The following IGSF22 variants were observed in gnomAD, a reference collection of about 807,000 sequenced individuals.
The protein encoded by IGSF22 is immunoglobulin superfamily member 22, also known as immunoglobulin superfamily, member 22.
Under a neutral mutation model 127.0 loss-of-function variants are expected in IGSF22, and 119 were observed. The observed-to-expected ratio is 0.94, with a 90% CI of 0.81 to 1.09. The LOEUF is 1.09. Among genes scored for constraint, IGSF22 ranks in the 50% least tolerant of loss-of-function variants. IGSF22 has a pLI of 0.00. For missense variants in IGSF22, 1,518 were observed against 1,716.6 expected, an observed-to-expected ratio of 0.88 and a Z score of 2.04; for synonymous variants, 568 against 664.7, an observed-to-expected ratio of 0.85 and a Z score of 2.24.
intron 9 of IGSF22, among the ~76,000 whole-genome samples, chr11:18,717,586 T>A (rs1041814604): frequency 6.6e-6 from 1 of 152,086 alleles, no homozygotes; most frequent in Admixed American, 6.5e-5. Flanking sequence ...TTTGTAGAGA[T>A]GGGGTTTCAC....
In IGSF22 at chr11:18,712,337, C is replaced by T; in HGVS notation, c.2143G>A (p.Gly715Ser). The T allele has an allele frequency of 6.4e-7, 1 of 1,551,698 alleles. No homozygotes were observed. Among genetic ancestry groups the T allele is most frequent in the Non-Finnish European group, 8.7e-7 (1 of 1,146,974 alleles). ...QGRVEFLELS[G>S]SCVHMKWKAP... ...TTCCACTTCATGTGCACACAACTAC[C>T]TGAGAGCTCCAGGAACTCCACCCGG... is the stretch of plus-strand genomic sequence containing the variant. Residue 715 changes from glycine (G) to serine (S), a missense_variant, in exon 15 of 23, where the codon GGT becomes AGT. By Grantham distance (56) the Gly-to-Ser change is moderately conservative (BLOSUM62 0). This residue lies in a region of IGSF22 where 1,456 missense variants were observed against 1,644.9 expected (regional missense o/e 0.89). Transcript: ENST00000513874.
chr11:18,717,796 T>A (rs1848488849), intron 9 of IGSF22, 135 bp downstream of exon 9: 1 of 923,984 alleles, frequency 1.1e-6, no homozygotes, highest in Non-Finnish European at 1.6e-6. Context: ...CTCCATTGAC[T>A]CCCATCCCCA....
Position 18,721,440 on chromosome 11 carries a change from G to T in IGSF22, c.378+95C>A, listed in dbSNP as rs559966033. 4.1e-5 allele frequency: 64 copies of T among 1,544,690 alleles called. No individual in the cohort carries two copies. In the Admixed American group the frequency reaches 1.1e-3, roughly 26 times the overall value. Reference sequence around the variant, plus strand: ...CCCACTGCCCGGCTCTCGGGCCGCCGTTAAGGCTCTCATCGGTGAGAAGAC... The same window carrying T: ...CCCACTGCCCGGCTCTCGGGCCGCCTTTAAGGCTCTCATCGGTGAGAAGAC... On this transcript the variant is annotated intron_variant, in intron 4 of 22. Coordinates refer to ENST00000513874, the MANE Select transcript of IGSF22 (RefSeq NM_173588.4).
At position 18,721,606 on chromosome 11, in the gene IGSF22, C is replaced by G; in HGVS notation, c.307G>C (p.Glu103Gln). 4.3e-6 allele frequency: 7 copies of G among 1,614,272 alleles called. No individual in the cohort carries two copies. The highest frequency in any genetic ancestry group is 5.9e-6 in the Non-Finnish European group (7 of 1,180,044). Residue 103 changes from glutamate to glutamine, a missense_variant, in exon 4 of 23, where the codon GAG (glutamate) becomes CAG (glutamine). Glu to Gln is a conservative substitution (Grantham distance 29). Transcript: ENST00000513874. The part of the protein sequence containing the change: ...NAKPHISWKR[E>Q]SGIPIKESAK... Reference sequence around the variant, plus strand: ...GACTCCTTGATGGGGATGCCGCTCTCCCTCTTCCAGGAGATGTGGGGTTTG... The same window carrying G: ...GACTCCTTGATGGGGATGCCGCTCTGCCTCTTCCAGGAGATGTGGGGTTTG...
Position 18,715,664 on chromosome 11 carries a change from C to G in IGSF22, c.1299G>C (p.Arg433Ser), listed in dbSNP as rs1459421779. The G allele has an allele frequency of 6.2e-7, 1 of 1,613,714 alleles. No homozygotes were observed. Among genetic ancestry groups the G allele is most frequent in the Non-Finnish European group, 8.5e-7 (1 of 1,180,008 alleles). Residue 433 changes from arginine (R) to serine (S), a missense_variant, in exon 11 of 23, where the codon AGG (arginine) becomes AGC (serine). Coordinates refer to ENST00000513874, the MANE Select transcript of IGSF22 (RefSeq NM_173588.4). The part of the protein sequence containing the change: ...SNLKNVRVKE[R>S]SRACLECELT... The stretch of plus-strand genomic sequence containing the variant: ...GCTCACACTCCAGGCATGCGCGACT[C>G]CTCTCTTTCACACGTACATTTTTGA...
intron 1 of IGSF22, among the ~76,000 whole-genome samples, chr11:18,725,361 C>T (rs1247864050): frequency 6.6e-6 from 1 of 152,142 alleles, no homozygotes; most frequent in South Asian, 2.1e-4. Flanking sequence ...CTCCTAGCCT[C>T]GATTGATCCG....
At chr11:18,723,664 G>A (rs180865490) in intron 2 of IGSF22, among the ~76,000 whole-genome samples, 1 of 152,370 alleles carries the variant, frequency 6.6e-6, no homozygotes, top group Non-Finnish European at 1.5e-5. Context: ...TAAAAGCCTG[G>A]AAGGTAAGGT....
At chr11:18,710,536 TCATGGGA>T in intron 16 of IGSF22, 81 bp from the exon 17 acceptor site, 1 of 1,592,152 alleles carries the variant, frequency 6.3e-7, no homozygotes. Context: ...GAAGAGGAGG[TCATGGGA>T]TGTTGTTAAA....
At position 18,708,242 on chromosome 11, in the gene IGSF22, C is replaced by T. The variant is rs771684282; in HGVS notation, c.3052G>A (p.Ala1018Thr). ...ARLKSHMVVR[A>T]GTALCIHAAF... ...GCATGGATGCAGAGGGCTGTCCCAG[C>T]GCGAACCACCATGTGACTCTTCAGC... The change falls in exon 19 of 23, where the codon GCT (alanine) becomes ACT (threonine). Residue 1018 changes from alanine to threonine, a missense_variant. Physicochemically the swap from Ala to Thr is moderately conservative, Grantham distance 58. Around this residue, in one of 3 missense-constraint regions of IGSF22, gnomAD observed 1,456 missense variants for 1,644.9 expected, o/e 0.89. Transcript: ENST00000513874. 7.7e-6 allele frequency: 12 copies of T among 1,548,504 alleles called. No individual in the cohort carries two copies. Among genetic ancestry groups the T allele is most frequent in the Non-Finnish European group, 9.6e-6 (11 of 1,145,516 alleles).
chr11:18,712,455 A>G, intron 14 of IGSF22, 71 bp from the exon 15 acceptor site: 4 of 1,390,298 alleles, frequency 2.9e-6, no homozygotes, highest in Non-Finnish European at 3.9e-6. Context: ...CCCACTCACC[A>G]AAGGTCTGCC....
In IGSF22 at chr11:18,719,791, G is replaced by A. The variant is rs1316712096; in HGVS notation, c.621C>T (p.Cys207=). The A allele has an allele frequency of 1.2e-6, 2 of 1,614,170 alleles. No individual in the cohort carries two copies. Among genetic ancestry groups the A allele is most frequent in the East Asian group, 2.2e-5 (1 of 44,878 alleles). ...GAAAGTCGGTGAAACCATACTCCATGCACACCTTCTCAAAGTCTTTCTTGG... is the reference window on the plus strand; with the variant it reads ...GAAAGTCGGTGAAACCATACTCCATACACACCTTCTCAAAGTCTTTCTTGG... ...KVPKKDFEKV[C]MEYGFTDFRG... is the part of the protein sequence containing the mutation. Residue 207 remains cysteine, a synonymous_variant, in exon 7 of 23, where the codon TGC becomes TGT. Transcript: ENST00000513874.
At chr11:18,718,184 G>T in intron 8 of IGSF22, 91 bp from the exon 9 acceptor site, 1 of 1,236,054 alleles carries the variant, frequency 8.1e-7, no homozygotes, top group Non-Finnish European at 1.2e-6. Context: ...CTAAGCTGGA[G>T]GGTGCATGTC....
chr11:18,715,806 TC>T, intron 10 of IGSF22, 90 bp from the exon 11 acceptor site: 1 of 1,403,438 alleles, frequency 7.1e-7, no homozygotes, highest in Non-Finnish European at 9.7e-7. Context: ...CCTCTTTCTG[TC>T]CCCAGAAAAC....
chr11:18,713,022 T>C (rs1023049468), intron 14 of IGSF22, among the ~76,000 whole-genome samples: 1 of 152,124 alleles, frequency 6.6e-6, no homozygotes, highest in African/African-American at 2.4e-5. Context: ...CCATTCCATC[T>C]TTCCCACCTT....
rs771311442 is a variant in IGSF22 at position 18,718,066 on chromosome 11, A to C, written c.838T>G (p.Ser280Ala). ...TGCTTCACATCGTACTTGCCCAGGG[A>C]GTACTGGATCCTCAGTGGCTCAGTA... ...KGTEPLRIQY[S>A]LGKYDVKQMG... The change falls in exon 9 of 23, where the codon TCC becomes GCC. Residue 280 changes from serine to alanine, a missense_variant. By Grantham distance (99) the Ser-to-Ala change is moderately conservative. Transcript: ENST00000513874. 5 of 1,614,184 alleles carry C rather than the reference A, an allele frequency of 3.1e-6. No homozygotes were observed. The East Asian group carries it at 1.1e-4, about 36-fold the overall frequency.
At chr11:18,717,387 G>A (rs1163415064) in intron 9 of IGSF22, among the ~76,000 whole-genome samples, 1 of 151,892 alleles carries the variant, frequency 6.6e-6, no homozygotes, top group East Asian at 1.9e-4. Flanking sequence ...CAGAAAGCGG[G>A]ATTTGACCTC....
intron 22 of IGSF22, chr11:18,705,527 C>G (rs748941722): frequency 4.4e-6 from 2 of 457,186 alleles, no homozygotes; most frequent in Non-Finnish European, 7.9e-6. Flanking sequence ...CTGGTTGAGT[C>G]CTGATCACCA....
chr11:18,721,798 C>G (rs1213268111), intron 3 of IGSF22, 112 bp downstream of exon 3: 1 of 1,582,110 alleles, frequency 6.3e-7, no homozygotes, highest in South Asian at 1.1e-5. Flanking sequence ...GAACCCTCGG[C>G]CAGGCTCTGC....
At chr11:18,721,440 G>A in intron 4 of IGSF22, 95 bp downstream of exon 4, 11 of 1,544,690 alleles carry the variant, frequency 7.1e-6, no homozygotes, top group Non-Finnish European at 8.0e-6. Flanking sequence ...TCGGGCCGCC[G>A]TTAAGGCTCT....
Sources: gnomAD v4.1 joint callset for allele counts (sites outside exome capture counted in the v4.1 genomes callset) on GRCh38, gnomAD v4.1.1 for gene constraint, gnomAD v4.1.1 regional missense constraint, MANE v1.5 for transcripts, NCBI Gene and HGNC (gene_info 2026-07-23, HGNC 2026-07-21) for gene names.